Variants in STK32B observed in about 807,000 individuals in gnomAD.
STK32B encodes serine/threonine kinase 32B.
In STK32B, 43 loss-of-function variants were observed where a neutral mutation model predicts 52.6. The observed-to-expected ratio is 0.82, with a 90% CI of 0.64 to 1.05. The LOEUF (loss-of-function observed/expected upper bound fraction) is 1.05. STK32B is among the 50% of genes least tolerant of loss of function. The pLI is 0.00. For missense variants in STK32B, 621 were observed against 534.6 expected (o/e 1.16, Z -1.59); for synonymous variants, 238 against 204.3 (o/e 1.17, Z -1.41).
intron 4 of STK32B, among the ~76,000 whole-genome samples, chr4:5,343,074 A>T (rs1312610524): frequency 3.3e-5 from 5 of 149,298 alleles, no homozygotes; most frequent in African/African-American, 9.8e-5. Flanking sequence ...AACGTTAGGT[A>T]TATCTCCTAA....
chr4:5,334,074 G>A (rs1044411582), intron 4 of STK32B, among the ~76,000 whole-genome samples: 1 of 151,988 alleles, frequency 6.6e-6, no homozygotes, highest in Non-Finnish European at 1.5e-5. Context: ...GGGCAGTATG[G>A]CCATTTTCAC....
chr4:5,278,892 C>G (rs1048249906), intron 3 of STK32B, among the ~76,000 whole-genome samples: 2 of 152,052 alleles, frequency 1.3e-5, no homozygotes, highest in Non-Finnish European at 2.9e-5. Flanking sequence ...TTTAAACAAC[C>G]ATATCTCATG....
chr4:5,232,492 T>G (rs1369268461), intron 3 of STK32B, among the ~76,000 whole-genome samples: 4 of 152,206 alleles, frequency 2.6e-5, no homozygotes, highest in Admixed American at 2.0e-4. Flanking sequence ...AAATACATCT[T>G]TATTTTCACT....
At chr4:5,290,683 C>G (rs1577300497) in intron 3 of STK32B, among the ~76,000 whole-genome samples, 2 of 151,840 alleles carry the variant, frequency 1.3e-5, no homozygotes, top group South Asian at 2.1e-4. Context: ...GCTGAATGTG[C>G]AGGTTATGAA....
At chr4:5,248,554 T>G (rs1243182356) in intron 3 of STK32B, among the ~76,000 whole-genome samples, 1 of 152,220 alleles carries the variant, frequency 6.6e-6, no homozygotes, top group African/African-American at 2.4e-5. Flanking sequence ...ACACTTGTCT[T>G]TTTATGCCAT....
intron 6 of STK32B, among the ~76,000 whole-genome samples, chr4:5,422,522 A>G (rs897899600): frequency 6.6e-6 from 1 of 152,220 alleles, no homozygotes; most frequent in African/African-American, 2.4e-5. Flanking sequence ...AATTGGAGAA[A>G]AAAAAAGATC....
chr4:5,349,638 A>C (rs1222306703), intron 4 of STK32B, among the ~76,000 whole-genome samples: 1 of 152,224 alleles, frequency 6.6e-6, no homozygotes, highest in Admixed American at 6.5e-5. Flanking sequence ...CACAGATCCC[A>C]ATCAAAAACA....
At chr4:5,254,007 G>C (rs1398526346) in intron 3 of STK32B, among the ~76,000 whole-genome samples, 1 of 151,732 alleles carries the variant, frequency 6.6e-6, no homozygotes, top group Non-Finnish European at 1.5e-5. Flanking sequence ...GGCTGGTCTT[G>C]AACTCCTGAC....
chr4:5,099,454 G>GCACGCGTGCGCGCGCACA (rs1553823535), intron 1 of STK32B, among the ~76,000 whole-genome samples: 1 of 129,744 alleles, frequency 7.7e-6, no homozygotes, highest in Non-Finnish European at 1.9e-5. Flanking sequence ...GTGTGTGCGC[G>GCACGCGTGCGCGCGCACA]CGCGCGTATG....
intron 3 of STK32B, among the ~76,000 whole-genome samples, chr4:5,328,266 A>G (rs1443305888): frequency 1.3e-5 from 2 of 152,158 alleles, no homozygotes; most frequent in African/African-American, 4.8e-5. Flanking sequence ...AGCAATTTTT[A>G]TTTCCTTTGC....
intron 3 of STK32B, among the ~76,000 whole-genome samples, chr4:5,284,243 A>G (rs1728401149): frequency 6.6e-6 from 1 of 152,172 alleles, no homozygotes; most frequent in South Asian, 2.1e-4. Context: ...CTCAAAACAT[A>G]AGAAAACCAT....
intron 11 of STK32B, among the ~76,000 whole-genome samples, chr4:5,486,716 G>A (rs1213265863): frequency 1.3e-5 from 2 of 152,228 alleles, no homozygotes; most frequent in Admixed American, 1.3e-4. Context: ...CACTGGAGCA[G>A]TTCCTATTTA....
At chr4:5,045,934 C>T in the STK32B span, among the ~76,000 whole-genome samples, 1 of 152,138 alleles carries the variant, frequency 6.6e-6, no homozygotes, top group Non-Finnish European at 1.5e-5. Context: ...CCAGAACTTC[C>T]AACACTATGT....
chr4:5,257,057 A>G (rs1206207672), intron 3 of STK32B, among the ~76,000 whole-genome samples: 17 of 134,760 alleles, frequency 1.3e-4, no homozygotes, highest in African/African-American at 5.6e-4. Flanking sequence ...GTGAATGAAT[A>G]TGTGAGTAAA....
intron 3 of STK32B, among the ~76,000 whole-genome samples, chr4:5,267,860 C>G (rs1006673326): frequency 1.3e-5 from 2 of 152,222 alleles, no homozygotes; most frequent in Non-Finnish European, 2.9e-5. Flanking sequence ...TTCCTCAGCT[C>G]CACCATCTCT....
intron 3 of STK32B, among the ~76,000 whole-genome samples, chr4:5,262,040 C>T (rs952394178): frequency 6.6e-6 from 1 of 152,334 alleles, no homozygotes; most frequent in African/African-American, 2.4e-5. Context: ...TTCATTGCCT[C>T]TAACAAATTG....
intron 4 of STK32B, among the ~76,000 whole-genome samples, chr4:5,363,917 G>T (rs924689061): frequency 6.6e-6 from 1 of 151,874 alleles, no homozygotes; most frequent in Non-Finnish European, 1.5e-5. Context: ...GATGAAATCA[G>T]CAGTTTCAAA....
intron 1 of STK32B, among the ~76,000 whole-genome samples, chr4:5,056,517 C>G (rs573131158): frequency 1.3e-5 from 2 of 152,334 alleles, no homozygotes; most frequent in South Asian, 4.1e-4. Context: ...AGCAGGCTCC[C>G]CATAATATCA....
chr4:5,498,876 G>A (rs1221712625), intron 11 of STK32B, 69 bp from the exon 12 acceptor site: 4 of 1,512,552 alleles, frequency 2.6e-6, no homozygotes, highest in Admixed American at 4.0e-5. Flanking sequence ...TGCCTGCCCA[G>A]TGTGTCTCCT....
Sources: gnomAD v4.1 joint callset for allele counts (sites outside exome capture counted in the v4.1 genomes callset) on GRCh38, gnomAD v4.1.1 for gene constraint, MANE v1.5 for transcripts, NCBI Gene and HGNC (gene_info 2026-07-23, HGNC 2026-07-21) for gene names.